Variants in KCNB2 observed in about 807,000 individuals in gnomAD.
KCNB2 encodes delayed rectifier potassium channel protein.
KCNB2 carries 15 observed loss-of-function variants against 61.5 expected under a neutral mutation model. That is an observed-to-expected ratio of 0.24 (90% CI 0.16 to 0.38). The LOEUF is 0.38. Among genes scored for constraint, KCNB2 ranks in the 10% least tolerant of loss-of-function variants. KCNB2 has a pLI of 1.00. For synonymous variants in KCNB2, 457 were observed against 446.0 expected, an observed-to-expected ratio of 1.02 and a Z score of -0.31; for missense variants, 828 against 1,125.2, an observed-to-expected ratio of 0.74 and a Z score of 3.78.
intron 2 of KCNB2, among the ~76,000 whole-genome samples, chr8:72,614,906 C>T (rs1159558645): frequency 1.3e-5 from 2 of 152,156 alleles, no homozygotes; most frequent in Non-Finnish European, 2.9e-5. Flanking sequence ...TGCTGAAATA[C>T]TTTTGAGGGA....
intron 2 of KCNB2, among the ~76,000 whole-genome samples, chr8:72,892,756 T>C (rs1195233867): frequency 6.6e-6 from 1 of 152,212 alleles, no homozygotes; most frequent in Admixed American, 6.5e-5. Flanking sequence ...AATTCTTGTT[T>C]ATTTTTTTCT....
At chr8:72,855,988 A>G (rs1042592108) in intron 2 of KCNB2, among the ~76,000 whole-genome samples, 1 of 152,208 alleles carries the variant, frequency 6.6e-6, no homozygotes, top group African/African-American at 2.4e-5. Flanking sequence ...TGTTACAGTG[A>G]ATCGTTTAGA....
At chr8:72,905,786 C>T (rs1266654214) in intron 2 of KCNB2, among the ~76,000 whole-genome samples, 1 of 152,116 alleles carries the variant, frequency 6.6e-6, no homozygotes, top group Non-Finnish European at 1.5e-5. Flanking sequence ...CCACCAAGAA[C>T]GTTGGGGAAA....
rs964338460 is a variant in KCNB2 at position 72,936,842 on chromosome 8, G to A, written c.1487G>A (p.Arg496Lys). 6.2e-7 allele frequency: 1 copy of A among 1,614,134 alleles called. No homozygotes were observed. Among genetic ancestry groups the A allele is most frequent in the Non-Finnish European group, 8.5e-7 (1 of 1,180,028 alleles). Residue 496 changes from arginine (R) to lysine (K), a missense_variant, in exon 3 of 3, where the codon AGG becomes AAG. Transcript: ENST00000523207. The surrounding 1 kb of genome is among the most constrained non-coding windows in gnomAD (Gnocchi z 5.6). ...TCGCCAAGCCGGTGGAAGTGGGCCA[G>A]GAAGGCTCTGTCGGAAACAAGCTCC... ...HLSPSRWKWA[R>K]KALSETSSNK...
chr8:72,858,857 T>C (rs1427621676), intron 2 of KCNB2, among the ~76,000 whole-genome samples: 1 of 152,206 alleles, frequency 6.6e-6, no homozygotes, highest in Non-Finnish European at 1.5e-5. Context: ...CTCCTCTTCC[T>C]GGTAACTTTC....
At chr8:72,648,291 G>A (rs138311376) in intron 2 of KCNB2, among the ~76,000 whole-genome samples, 1 of 152,178 alleles carries the variant, frequency 6.6e-6, no homozygotes, top group Non-Finnish European at 1.5e-5. Flanking sequence ...TGAGAATCAT[G>A]AGTGAGTTTT....
chr8:72,825,419 G>A (rs949103323), intron 2 of KCNB2, among the ~76,000 whole-genome samples: 2 of 152,152 alleles, frequency 1.3e-5, no homozygotes, highest in Admixed American at 6.5e-5. Flanking sequence ...TCCAGAAGGG[G>A]AAATGCTGCA....
chr8:72,588,038 G>C (rs963529035), intron 2 of KCNB2, among the ~76,000 whole-genome samples: 6 of 152,140 alleles, frequency 3.9e-5, no homozygotes, highest in Non-Finnish European at 5.9e-5. Context: ...TTACTGAAAA[G>C]CCATTCTCCT....
Position 72,616,282 on chromosome 8 carries a change from A to C in KCNB2, c.579+47969A>C, listed in dbSNP as rs150432408. On this transcript the variant is annotated intron_variant, in intron 2 of 2. Coordinates refer to ENST00000523207, the MANE Select transcript of KCNB2 (RefSeq NM_004770.3). ...GATCTGCAGTAGAACTATAGCTGTA[A>C]TTTTAAAATCACTATGGATTTTGAT... is the stretch of plus-strand genomic sequence containing the variant. Among the ~76,000 whole-genome samples, 1,492 of 152,298 alleles carry C rather than the reference A, an allele frequency of 9.8e-3. 18 individuals are homozygous for C. Among genetic ancestry groups the C allele is most frequent in the African/African-American group, 0.033 (1,391 of 41,552 alleles).
intron 2 of KCNB2, among the ~76,000 whole-genome samples, chr8:72,694,291 C>T (rs1345476636): frequency 6.6e-6 from 1 of 152,146 alleles, no homozygotes; most frequent in Non-Finnish European, 1.5e-5. Context: ...GCATGTGAGA[C>T]GTGCCATATA....
chr8:72,837,239 G>A (rs1373815063), intron 2 of KCNB2, among the ~76,000 whole-genome samples: 7 of 152,104 alleles, frequency 4.6e-5, no homozygotes, highest in African/African-American at 9.7e-5. Context: ...CCTTCTCAGA[G>A]CAGCCACATC....
intron 2 of KCNB2, among the ~76,000 whole-genome samples, chr8:72,591,131 G>GA (rs1264617659): frequency 1.3e-5 from 2 of 152,046 alleles, no homozygotes; most frequent in African/African-American, 2.4e-5. Context: ...TAACTCCTTT[G>GA]AAAATCTCTT....
At chr8:72,904,942 A>G (rs1159511034) in intron 2 of KCNB2, among the ~76,000 whole-genome samples, 1 of 151,884 alleles carries the variant, frequency 6.6e-6, no homozygotes, top group Non-Finnish European at 1.5e-5. Flanking sequence ...TGTTCCTTGT[A>G]CCTTGTATTG....
chr8:72,849,735 G>A (rs1173309804), intron 2 of KCNB2, among the ~76,000 whole-genome samples: 1 of 152,126 alleles, frequency 6.6e-6, no homozygotes, highest in Middle Eastern at 3.2e-3. Context: ...GAGCTCTCCT[G>A]GTATCCACTT....
chr8:72,707,810 C>T (rs570375619), intron 2 of KCNB2, among the ~76,000 whole-genome samples: 5 of 152,270 alleles, frequency 3.3e-5, no homozygotes, highest in African/African-American at 4.8e-5. Context: ...TCAAGGAAAT[C>T]ATCAATTAAG....
chr8:72,850,190 AGT>A (rs745821437), intron 2 of KCNB2, among the ~76,000 whole-genome samples: 4,057 of 87,870 alleles, frequency 0.046, 123 homozygotes, highest in African/African-American at 0.1. Context: ...AGTGTATGTA[AGT>A]GTGTGTGTGT....
In KCNB2 at chr8:72,920,541, G is replaced by A. The variant is rs2929568; in HGVS notation, c.580-15394G>A. Among the ~76,000 whole-genome samples the A allele has an allele frequency of 4.1e-3, 598 of 146,770 alleles. 10 individuals are homozygous for A. Among genetic ancestry groups the A allele is most frequent in the Non-Finnish European group, 5.3e-3 (351 of 66,822 alleles). On this transcript the variant is annotated intron_variant, in intron 2 of 2. Transcript: ENST00000523207. ...AGTCCCAGCTACTCAGGATACTGAG[G>A]CTGAGGTGGGAGGATGGCTTGAGCC...
In KCNB2 at chr8:72,890,445, C is replaced by T. The variant is rs1470889541; in HGVS notation, c.580-45490C>T. Among the ~76,000 whole-genome samples, 3 of 152,164 alleles carry T rather than the reference C, an allele frequency of 2.0e-5. No individual in the cohort carries two copies. The South Asian group carries it at 6.2e-4, about 32-fold the overall frequency. On this transcript the variant is annotated intron_variant, in intron 2 of 2. Coordinates refer to ENST00000523207, the MANE Select transcript of KCNB2 (RefSeq NM_004770.3). ...TCAGTAATAGAGGCTTATACTATGC[C>T]GTCTTAGTAAGACTATGGCACATCA...
At chr8:72,914,452 A>G (rs551746024) in intron 2 of KCNB2, among the ~76,000 whole-genome samples, 2 of 152,320 alleles carry the variant, frequency 1.3e-5, no homozygotes, top group African/African-American at 2.4e-5. Context: ...AGCCATGCTT[A>G]CTTATGATTG....
Sources: gnomAD v4.1 joint callset for allele counts (sites outside exome capture counted in the v4.1 genomes callset) on GRCh38, gnomAD v4.1.1 for gene constraint, Gnocchi (gnomAD v3.1) non-coding constraint, MANE v1.5 for transcripts, NCBI Gene and HGNC (gene_info 2026-07-23, HGNC 2026-07-21) for gene names.